The following MYO16 variants were observed in gnomAD, a reference collection of about 807,000 sequenced individuals.
The protein encoded by MYO16 is myosin XVI.
In MYO16, 94 loss-of-function variants were observed where a neutral mutation model predicts 205.3. The observed-to-expected ratio is 0.46, with a 90% CI of 0.39 to 0.54. MYO16 has a LOEUF of 0.54. MYO16 is among the 20% of genes least tolerant of loss of function. The pLI is 0.00. For missense variants in MYO16, 2,315 were observed against 2,387.5 expected, an observed-to-expected ratio of 0.97 and a Z score of 0.63; for synonymous variants, 988 against 954.0, an observed-to-expected ratio of 1.04 and a Z score of -0.66.
At chr13:109,196,064 A>G (rs916873427) in intron 34 of MYO16, among the ~76,000 whole-genome samples, 7 of 152,208 alleles carry the variant, frequency 4.6e-5, no homozygotes, top group African/African-American at 1.7e-4. Flanking sequence ...TAAGTGAACT[A>G]ATTACAAGTG....
the MYO16 span, among the ~76,000 whole-genome samples, chr13:108,572,465 A>G: frequency 2.0e-5 from 3 of 152,210 alleles, no homozygotes; most frequent in African/African-American, 4.8e-5. Flanking sequence ...AGGACCATCA[A>G]GATTATCTGC....
chr13:109,037,671 C>CAG (rs138767330), intron 23 of MYO16, among the ~76,000 whole-genome samples: 350 of 151,056 alleles, frequency 2.3e-3, no homozygotes, highest in African/African-American at 7.9e-3. Context: ...GAGAGACACA[C>CAG]AGAGAGAGAG....
At chr13:108,608,900 T>C (rs1346099563) in intron 1 of MYO16, among the ~76,000 whole-genome samples, 3 of 152,114 alleles carry the variant, frequency 2.0e-5, no homozygotes, top group African/African-American at 7.2e-5. Flanking sequence ...TGCCTCAGCC[T>C]CCCAAAGTGC....
intron 4 of MYO16, among the ~76,000 whole-genome samples, chr13:108,733,785 T>C (rs916403727): frequency 6.6e-6 from 1 of 152,096 alleles, no homozygotes; most frequent in Non-Finnish European, 1.5e-5. Flanking sequence ...CTGGCTAACA[T>C]GGTGAAACCC....
intron 4 of MYO16, among the ~76,000 whole-genome samples, chr13:108,732,411 G>A (rs1225382357): frequency 4.6e-5 from 7 of 152,218 alleles, no homozygotes; most frequent in African/African-American, 1.7e-4. Context: ...GAAAGGAACA[G>A]AGTATTAAGG....
chr13:108,567,522 G>A, the MYO16 span, among the ~76,000 whole-genome samples: 6 of 152,072 alleles, frequency 3.9e-5, no homozygotes, highest in Admixed American at 2.6e-4. Flanking sequence ...GATACATTGC[G>A]ATTACCTGAA....
At position 108,755,250 on chromosome 13, in the gene MYO16, G is replaced by A. The variant is rs1208964305; in HGVS notation, c.507+27667G>A. Among the ~76,000 whole-genome samples the A allele has an allele frequency of 1.7e-4, 24 of 144,834 alleles. 1 individual carries two copies. On this transcript the variant is annotated intron_variant, in intron 4 of 34. Transcript: ENST00000457511. The stretch of plus-strand genomic sequence containing the variant: ...CAGAGAATATGTGAGAGATTGCTTA[G>A]GGAGAGGAAATGAGTTTACAAGCTG...
rs554498628 is a variant in MYO16, at chr13:109,095,251, G to T, written c.3336-5534G>T. On this transcript the variant is annotated intron_variant, in intron 27 of 34. Transcript: ENST00000457511. ...ATATAGGTGTCTTCAGTGGATTGAG[G>T]CGACCTGTGTGTCTTGGATGACAGA... is the stretch of plus-strand genomic sequence containing the variant. Among the ~76,000 whole-genome samples, 5 of 152,342 alleles carry T rather than the reference G, an allele frequency of 3.3e-5. No individual in the cohort carries two copies. In the South Asian group the frequency reaches 6.2e-4, roughly 19 times the overall value.
chr13:108,670,781 G>C (rs1028105109), intron 2 of MYO16, among the ~76,000 whole-genome samples: 8 of 152,102 alleles, frequency 5.3e-5, no homozygotes, highest in Non-Finnish European at 1.2e-4. Context: ...GAATACATCT[G>C]TCCTTAATTT....
chr13:108,665,178 T>C (rs1010555891), intron 1 of MYO16, among the ~76,000 whole-genome samples: 1 of 152,178 alleles, frequency 6.6e-6, no homozygotes, highest in African/African-American at 2.4e-5. Context: ...CTTAAACTCC[T>C]GGGCTTATGC....
At chr13:109,136,078 TTTCC>T (rs556455371) in intron 31 of MYO16, among the ~76,000 whole-genome samples, 34 of 151,112 alleles carry the variant, frequency 2.2e-4, no homozygotes, top group African/African-American at 5.8e-4. Context: ...TCCTTCCTTC[TTTCC>T]TTCCTTCCTT....
the MYO16 span, among the ~76,000 whole-genome samples, chr13:108,548,586 T>C: frequency 1.3e-4 from 20 of 151,634 alleles, no homozygotes; most frequent in Non-Finnish European, 2.2e-4. Context: ...ATGATGGTGG[T>C]GGTGGTGGTG....
intron 2 of MYO16, among the ~76,000 whole-genome samples, chr13:108,707,926 G>A (rs1265111719): frequency 6.6e-6 from 1 of 152,074 alleles, no homozygotes; most frequent in Non-Finnish European, 1.5e-5. Flanking sequence ...GGCAGAAATA[G>A]CTCCCAAAGG....
chr13:108,636,786 A>G (rs1880273086), intron 1 of MYO16, among the ~76,000 whole-genome samples: 1 of 152,196 alleles, frequency 6.6e-6, no homozygotes, highest in Non-Finnish European at 1.5e-5. Context: ...CCTATATTCT[A>G]CTAAATAAAT....
At chr13:108,804,451 C>T (rs1887055402) in intron 6 of MYO16, among the ~76,000 whole-genome samples, 1 of 152,172 alleles carries the variant, frequency 6.6e-6, no homozygotes, top group Admixed American at 6.5e-5. Context: ...ATCCTCTAGT[C>T]ATAGTCAGGA....
chr13:108,878,159 C>T lies in MYO16; in HGVS notation c.1426-4900C>T, dbSNP rs9559433. On this transcript the variant is annotated intron_variant, in intron 12 of 34. Transcript: ENST00000457511. ...AGACACTGGGTAGAAGAGAGCAGTTCCCCGGCAAAGGCCCCACCCTCAAGC... is the reference window on the plus strand; with the variant it reads ...AGACACTGGGTAGAAGAGAGCAGTTTCCCGGCAAAGGCCCCACCCTCAAGC... Among the ~76,000 whole-genome samples, 560 of 152,208 alleles carry T rather than the reference C, an allele frequency of 3.7e-3. 19 individuals are homozygous for T. The East Asian group carries it at 0.085, about 23-fold the overall frequency.
chr13:109,019,834 C>T lies in MYO16; in HGVS notation c.2719C>T (p.Pro907Ser), dbSNP rs1222114750. Residue 907 changes from proline (P) to serine (S), a missense_variant, in exon 23 of 35, where the codon CCC becomes TCC. By Grantham distance (74) the Pro-to-Ser change is moderately conservative (BLOSUM62 -1). Around this residue, in one of 3 missense-constraint regions of MYO16, gnomAD observed 1,213 missense variants for 1,274.4 expected, o/e 0.95. Transcript: ENST00000457511. Reference sequence around the variant, plus strand: ...CTCAAACACAAATGCGGTGTACTCCCCCATGAAGGATGGGAATGGGAATGT... The same window carrying T: ...CTCAAACACAAATGCGGTGTACTCCTCCATGAAGGATGGGAATGGGAATGT... ...ESSNTNAVYSPMKDGNGNVAL... is the reference protein window; with the variant it reads ...ESSNTNAVYSSMKDGNGNVAL... 4 of 1,614,004 alleles carry T rather than the reference C, an allele frequency of 2.5e-6. No homozygotes were observed. The highest frequency in any genetic ancestry group is 3.4e-6 in the Non-Finnish European group (4 of 1,180,032).
At chr13:108,746,390 A>G (rs1885064321) in intron 4 of MYO16, among the ~76,000 whole-genome samples, 1 of 152,118 alleles carries the variant, frequency 6.6e-6, no homozygotes, top group Admixed American at 6.6e-5. Context: ...GACATGTGTA[A>G]TGGGAGTACC....
intron 6 of MYO16, among the ~76,000 whole-genome samples, chr13:108,794,776 G>C (rs1262988644): frequency 2.6e-5 from 4 of 152,108 alleles, no homozygotes; most frequent in Non-Finnish European, 5.9e-5. Flanking sequence ...AAAAATTTGA[G>C]AGAAAGTAAA....
Sources: allele counts gnomAD v4.1 joint callset (sites outside exome capture counted in the v4.1 genomes callset), GRCh38; gene constraint gnomAD v4.1.1; regional missense constraint gnomAD v4.1.1; transcripts MANE v1.5; gene names NCBI Gene and HGNC (gene_info 2026-07-23, HGNC 2026-07-21).